CNTNAP2: variants seen among roughly 807,000 people sequenced by gnomAD.
The protein encoded by CNTNAP2 is contactin-associated protein-like 2.
CNTNAP2 carries 98 observed loss-of-function variants against 155.2 expected under a neutral mutation model. The observed-to-expected ratio is 0.63, with a 90% CI of 0.54 to 0.75. The LOEUF (loss-of-function observed/expected upper bound fraction) is 0.75, where lower values mean the gene tolerates loss of function less well. CNTNAP2 is among the 30% of genes least tolerant of loss of function. CNTNAP2 has a pLI of 0.00. For synonymous variants in CNTNAP2, 651 were observed against 631.2 expected, an observed-to-expected ratio of 1.03 and a Z score of -0.47; for missense variants, 1,727 against 1,688.1, an observed-to-expected ratio of 1.02 and a Z score of -0.40.
At chr7:147,532,329 C>T (rs1397153190) in intron 11 of CNTNAP2, among the ~76,000 whole-genome samples, 1 of 152,226 alleles carries the variant, frequency 6.6e-6, no homozygotes, top group Non-Finnish European at 1.5e-5. Flanking sequence ...CTTTGCTAAA[C>T]ATAACAAAAC....
intron 21 of CNTNAP2, among the ~76,000 whole-genome samples, chr7:148,331,274 G>A (rs1210991132): frequency 6.7e-6 from 1 of 149,968 alleles, no homozygotes; most frequent in Non-Finnish European, 1.5e-5. Context: ...GGATGGAGTG[G>A]ACGGATGGAG....
intron 1 of CNTNAP2, among the ~76,000 whole-genome samples, chr7:146,243,330 A>T (rs1237343086): frequency 6.6e-6 from 1 of 152,066 alleles, no homozygotes; most frequent in Non-Finnish European, 1.5e-5. Flanking sequence ...TACATATATA[A>T]CAGGTTATAT....
intron 1 of CNTNAP2, among the ~76,000 whole-genome samples, chr7:146,765,995 T>C (rs1456150784): frequency 2.6e-5 from 4 of 151,974 alleles, no homozygotes; most frequent in African/African-American, 9.7e-5. Flanking sequence ...GCCAGAGATA[T>C]CTTCAGGGCC....
At chr7:146,706,917 TAAAAA>T (rs778959277) in intron 1 of CNTNAP2, among the ~76,000 whole-genome samples, 71 of 126,752 alleles carry the variant, frequency 5.6e-4, no homozygotes, top group African/African-American at 1.6e-3. Context: ...ACTTAAAAGT[TAAAAA>T]AAAAAAAAAA....
At chr7:146,666,737 C>G (rs923719115) in intron 1 of CNTNAP2, among the ~76,000 whole-genome samples, 2 of 152,084 alleles carry the variant, frequency 1.3e-5, no homozygotes, top group East Asian at 1.9e-4. Context: ...ATTTGTATTT[C>G]CCTGAGGACT....
chr7:148,231,163 G>A lies in CNTNAP2; in HGVS notation c.3381+1384G>A, dbSNP rs140397393. ...AGAGACCCACCACAGCCATAGAATC[G>A]TATACAGTTTACCCTCACTCTCTGC... On this transcript the variant is annotated intron_variant, in intron 20 of 23. Coordinates refer to ENST00000361727, the MANE Select transcript of CNTNAP2 (RefSeq NM_014141.6). 1.6e-4 allele frequency among the ~76,000 whole-genome samples: 24 copies of A among 152,254 alleles called. No homozygotes were observed. In the South Asian group the frequency reaches 1.7e-3, roughly 11 times the overall value.
In CNTNAP2 at chr7:147,433,389, A is replaced by G. The variant is rs527332911; in HGVS notation, c.1670+37609A>G. ...TTGGAGTTGGGATAAAGTTGTAGAC[A>G]ATCTATAGTAGTTCATTTGGTCACA... On this transcript the variant is annotated intron_variant, in intron 10 of 23. Transcript: ENST00000361727. 3.3e-5 allele frequency among the ~76,000 whole-genome samples: 5 copies of G among 152,152 alleles called. No individual in the cohort carries two copies. The East Asian group carries it at 9.6e-4, about 29-fold the overall frequency.
At chr7:146,302,987 T>C (rs192070753) in intron 1 of CNTNAP2, among the ~76,000 whole-genome samples, 1 of 152,148 alleles carries the variant, frequency 6.6e-6, no homozygotes, top group Non-Finnish European at 1.5e-5. Flanking sequence ...AACAGGTAAG[T>C]ACATGATTAA....
At chr7:148,143,759 T>C (rs535690770) in intron 16 of CNTNAP2, among the ~76,000 whole-genome samples, 8 of 152,334 alleles carry the variant, frequency 5.3e-5, no homozygotes, top group African/African-American at 1.9e-4. Context: ...CTCTGTCCTC[T>C]GTATCTCTGA....
intron 13 of CNTNAP2, among the ~76,000 whole-genome samples, chr7:147,888,349 C>G (rs55717999): frequency 0.024 from 3,671 of 151,738 alleles, 60 homozygotes; most frequent in South Asian, 0.05. Flanking sequence ...CAGTTTCTAC[C>G]CAGCTAAAGT....
intron 1 of CNTNAP2, among the ~76,000 whole-genome samples, chr7:146,745,567 G>C (rs1049680275): frequency 2.0e-5 from 3 of 152,038 alleles, no homozygotes; most frequent in African/African-American, 7.2e-5. Flanking sequence ...AGGAGATCGA[G>C]ACCATCCTGG....
chr7:148,061,187 T>C (rs1803122183), intron 15 of CNTNAP2, among the ~76,000 whole-genome samples: 1 of 149,448 alleles, frequency 6.7e-6, no homozygotes, highest in African/African-American at 2.5e-5. Flanking sequence ...TAATGTGTTT[T>C]AAAAAGGAGT....
intron 13 of CNTNAP2, among the ~76,000 whole-genome samples, chr7:147,889,372 G>A (rs1245163868): frequency 6.6e-6 from 1 of 151,896 alleles, no homozygotes; most frequent in South Asian, 2.1e-4. Context: ...ACTATGTGCT[G>A]TACACAAGAG....
chr7:147,654,852 C>T (rs1198092393), intron 13 of CNTNAP2, among the ~76,000 whole-genome samples: 15 of 123,564 alleles, frequency 1.2e-4, no homozygotes, highest in Non-Finnish European at 1.9e-4. Flanking sequence ...CTCACTCTGT[C>T]GCCCAGGCTG....
intron 3 of CNTNAP2, among the ~76,000 whole-genome samples, chr7:147,005,063 G>A (rs534432655): frequency 3.3e-5 from 5 of 152,124 alleles, no homozygotes; most frequent in East Asian, 1.9e-4. Flanking sequence ...TGGTCTCTCC[G>A]GAGGCAGGAT....
At chr7:147,602,346 T>A (rs1405006192) in intron 12 of CNTNAP2, among the ~76,000 whole-genome samples, 1 of 140,912 alleles carries the variant, frequency 7.1e-6, no homozygotes, top group Non-Finnish European at 1.5e-5. Flanking sequence ...TTAGGCATTA[T>A]GTACTTCAGT....
At chr7:147,772,446 CTATATATATATATATATATA>C (rs58027241) in intron 13 of CNTNAP2, among the ~76,000 whole-genome samples, 17 of 63,730 alleles carry the variant, frequency 2.7e-4, no homozygotes, top group East Asian at 1.3e-3. Flanking sequence ...CTCTCTCTCG[CTATATATATATATATATATA>C]TATATATATA....
chr7:147,050,525 A>G (rs1335119750), intron 4 of CNTNAP2, among the ~76,000 whole-genome samples: 1 of 152,172 alleles, frequency 6.6e-6, no homozygotes, highest in Non-Finnish European at 1.5e-5. Context: ...GCTGCCTGAG[A>G]AAAAAAGAAA....
At chr7:146,312,695 C>T (rs1291969940) in intron 1 of CNTNAP2, among the ~76,000 whole-genome samples, 1 of 152,032 alleles carries the variant, frequency 6.6e-6, no homozygotes, top group Non-Finnish European at 1.5e-5. Flanking sequence ...ATTCTTTGTA[C>T]CTCTGATTAA....
Sources: allele counts gnomAD v4.1 joint callset (sites outside exome capture counted in the v4.1 genomes callset), GRCh38; gene constraint gnomAD v4.1.1; transcripts MANE v1.5; gene names NCBI Gene and HGNC (gene_info 2026-07-23, HGNC 2026-07-21).